SP8: variants seen among roughly 807,000 people sequenced by gnomAD.
The protein encoded by SP8 is Sp8 transcription factor.
In SP8, 7 loss-of-function variants were observed where a neutral mutation model predicts 15.3. The ratio of observed to expected loss-of-function variants is 0.46; its 90% confidence interval spans 0.26 to 0.86. The LOEUF is 0.86. Ranked by LOEUF, SP8 falls within the 40% of genes least tolerant of loss-of-function variation. SP8 has a pLI of 0.16. For missense variants in SP8, 731 were observed against 736.4 expected (o/e 0.99, Z 0.09); for synonymous variants, 415 against 356.3 (o/e 1.16, Z -1.86).
Position 20,784,324 on chromosome 7 carries a change from G to C in SP8, c.1493C>G (p.Pro498Arg). The change falls in exon 2 of 2, where the codon CCC becomes CGC. Residue 498 changes from proline (P) to arginine (R), a missense_variant. Around this residue, in one of 3 missense-constraint regions of SP8, gnomAD observed 114 missense variants for 111.9 expected, o/e 1.02. Coordinates refer to ENST00000418710, the MANE Select transcript of SP8 (RefSeq NM_182700.6). ...PPCHSPELLQPPEPGHRNGLE is the reference protein window; with the variant it reads ...PPCHSPELLQRPEPGHRNGLE ...GCCGTTGCGGTGCCCGGGCTCGGGG[G>C]GCTGCAGCAGCTCTGGGGAGTGGCA... 2 of 1,505,876 alleles carry C rather than the reference G, an allele frequency of 1.3e-6. No homozygotes were observed. Among genetic ancestry groups the C allele is most frequent in the South Asian group, 2.5e-5 (2 of 80,882 alleles). The allele number at this position is 1,505,876 out of a possible 1,614,324, so 93.3% of individuals were successfully genotyped here.
rs1387205974 is a variant in SP8 at position 20,786,567 on chromosome 7, T to C, written c.21+211A>G. Among the ~76,000 whole-genome samples, 1 of 152,030 alleles carries C rather than the reference T, an allele frequency of 6.6e-6. No homozygotes were observed. The highest frequency in any genetic ancestry group is 6.5e-5 in the Admixed American group (1 of 15,282). The stretch of plus-strand genomic sequence containing the variant: ...TGCGCGGTGGCTTGTCTAAATGCCC[T>C]TCGAACCTTTTCCTGCGCTGAAAAA... On this transcript the variant is annotated intron_variant, in intron 1 of 1. Transcript: ENST00000418710. This position sits in a 1 kb window ranked among gnomAD's most constrained non-coding sequence, Gnocchi z 4.4.
In SP8 at chr7:20,783,487, T is replaced by A. The variant is rs979061894; in HGVS notation, c.*803A>T. 6.6e-6 allele frequency: 1 copy of A among 152,146 alleles called. No individual in the cohort carries two copies. Among genetic ancestry groups the A allele is most frequent in the Non-Finnish European group, 1.5e-5 (1 of 68,014 alleles). 9.4% of individuals were successfully genotyped at this position (152,146 alleles called of 1,614,324 possible). ...GAAACCAAATGGAAGGTTGCTATTT[T>A]CCCCCTAGTTTTTTTAAAAATAAAA... On this transcript the variant is annotated 3_prime_UTR_variant, in exon 2 of 2. Transcript: ENST00000418710.
Position 20,784,639 on chromosome 7 carries a change from G to A in SP8, c.1178C>T (p.Ala393Val). 6.2e-7 allele frequency: 1 copy of A among 1,610,410 alleles called. No individual in the cohort carries two copies. Among genetic ancestry groups the A allele is most frequent in the Non-Finnish European group, 8.5e-7 (1 of 1,179,218 alleles). Residue 393 changes from alanine (A) to valine (V), a missense_variant, in exon 2 of 2, where the codon GCG becomes GTG. This residue lies in a region of SP8 where 31 missense variants were observed against 99.6 expected (regional missense o/e 0.31). Transcript: ENST00000418710. ...CTCGCCCGTGTGCCAGCGCAGGTGC[G>A]CCTTGAGGTGCGAAGTCTTGCCGTA... is the stretch of plus-strand genomic sequence containing the variant. ...KVYGKTSHLKAHLRWHTGERP... is the reference protein window; with the variant it reads ...KVYGKTSHLKVHLRWHTGERP...
chr7:20,786,780 CT>C lies in SP8; in HGVS notation c.18del (p.Glu8LysfsTer20), dbSNP rs773936001. 4 of 1,613,768 alleles carry C rather than the reference CT, an allele frequency of 2.5e-6. No homozygotes were observed. Among genetic ancestry groups the C allele is most frequent in the Non-Finnish European group, 2.5e-6 (3 of 1,179,658 alleles). On this transcript the variant is annotated frameshift_variant, in exon 1 of 2. Coordinates refer to ENST00000418710, the MANE Select transcript of SP8 (RefSeq NM_182700.6). LOFTEE classifies it low-confidence loss of function (END_TRUNC). This position sits in a 1 kb window ranked among gnomAD's most constrained non-coding sequence, Gnocchi z 4.4. MATSL[L>X]GEEPRLGSTP... ...CAAGAGAAAATCCTGAGACTCACCCCTAGAAGTGAAGTTGCCATCACACAAA... is the reference window on the plus strand; with the variant it reads ...CAAGAGAAAATCCTGAGACTCACCCCAGAAGTGAAGTTGCCATCACACAAA...
rs1184988084 is a variant in SP8 at position 20,785,308 on chromosome 7, G to A, written c.509C>T (p.Ser170Leu). 2 of 1,527,320 alleles carry A rather than the reference G, an allele frequency of 1.3e-6. No individual in the cohort carries two copies. Among genetic ancestry groups the A allele is most frequent in the South Asian group, 1.2e-5 (1 of 81,704 alleles). The allele number at this position is 1,527,320 out of a possible 1,614,324, so 94.6% of individuals were successfully genotyped here. Residue 170 changes from serine (S) to leucine (L), a missense_variant, in exon 2 of 2, where the codon TCG becomes TTG. Coordinates refer to ENST00000418710, the MANE Select transcript of SP8 (RefSeq NM_182700.6). The surrounding 1 kb of genome is among the most constrained non-coding windows in gnomAD (Gnocchi z 7.2). The stretch of plus-strand genomic sequence containing the variant: ...CACCGGCTGGTGGGAGCCGTCCTGC[G>A]AGTGCGCGGAGGAGCCGCCGCCGCC... ...GGGGGGSSAHSQDGSHQPVFI... is the reference protein window; with the variant it reads ...GGGGGGSSAHLQDGSHQPVFI...
In SP8 at chr7:20,786,137, G is replaced by T. The variant is rs977743022; in HGVS notation, c.22-342C>A. On this transcript the variant is annotated intron_variant, in intron 1 of 1. Coordinates refer to ENST00000418710, the MANE Select transcript of SP8 (RefSeq NM_182700.6). This position sits in a 1 kb window ranked among gnomAD's most constrained non-coding sequence, Gnocchi z 4.4. ...TCGTAACAAACAAGCAAAAAGTCCA[G>T]ATTGGAGAGGAAGGAAGTTTTCTTT... 1 of 657,498 alleles carries T rather than the reference G, an allele frequency of 1.5e-6. No individual in the cohort carries two copies. The highest frequency in any genetic ancestry group is 1.9e-5 in the African/African-American group (1 of 52,760). 40.7% of individuals were successfully genotyped at this position (657,498 alleles called of 1,614,324 possible). A position where few individuals can be genotyped will look rare whatever the true frequency, so the allele number is the denominator to read the frequency against.
In SP8 at chr7:20,784,442, C is replaced by CGCCACT; in HGVS notation, c.1369_1374dup (p.Ser457_Gly458dup). 1 of 1,539,172 alleles carries CGCCACT rather than the reference C, an allele frequency of 6.5e-7. No homozygotes were observed. The highest frequency in any genetic ancestry group is 8.7e-7 in the Non-Finnish European group (1 of 1,144,320). On this transcript the variant is annotated inframe_insertion, in exon 2 of 2. Coordinates refer to ENST00000418710, the MANE Select transcript of SP8 (RefSeq NM_182700.6). ...CCCGCCGAGCCGCCGCCGCCGCCGC[C>CGCCACT]GCCACTGTGCGTCTTCACGTGCTTG...
rs1367596526 is a variant in SP8 at position 20,784,428 on chromosome 7, G to A, written c.1389C>T (p.Gly463=). 3 of 1,531,038 alleles carry A rather than the reference G, an allele frequency of 2.0e-6. No individual in the cohort carries two copies. Among genetic ancestry groups the A allele is most frequent in the African/African-American group, 1.4e-5 (1 of 71,602 alleles). 94.8% of individuals were successfully genotyped at this position (1,531,038 alleles called of 1,614,324 possible). A position where few individuals can be genotyped will look rare whatever the true frequency, so the allele number is the denominator to read the frequency against. The part of the protein sequence containing the change: ...VKTHSGGGGG[G]GSAGSGSGGK... ...CGCCGCTGCCCGAGCCCGCCGAGCC[G>A]CCGCCGCCGCCGCCGCCACTGTGCG... Residue 463 remains glycine (G), a synonymous_variant, in exon 2 of 2, where the codon GGC becomes GGT. Transcript: ENST00000418710.
Position 20,785,893 on chromosome 7 carries a change from C to G in SP8, c.22-98G>C, listed in dbSNP as rs1165015642. On this transcript the variant is annotated intron_variant, in intron 1 of 1. Transcript: ENST00000418710. This position sits in a 1 kb window ranked among gnomAD's most constrained non-coding sequence, Gnocchi z 7.2. ...ATGTGCATCAGTCCTTCGGTAGCCT[C>G]CAAAGCGCCCCACTGCACCCCATCT... The G allele has an allele frequency of 4.1e-6, 6 of 1,481,330 alleles. No individual in the cohort carries two copies. The highest frequency in any genetic ancestry group is 1.4e-5 in the African/African-American group (1 of 71,844). 91.8% of individuals were successfully genotyped at this position (1,481,330 alleles called of 1,614,324 possible).
chr7:20,786,772 ACT>A lies in SP8; in HGVS notation c.21+4_21+5del. 6.2e-7 allele frequency: 1 copy of A among 1,613,366 alleles called. No homozygotes were observed. Among genetic ancestry groups the A allele is most frequent in the Non-Finnish European group, 8.5e-7 (1 of 1,179,498 alleles). On this transcript the variant is annotated splice_donor_5th_base_variant and intron_variant, in intron 1 of 1. Transcript: ENST00000418710. The surrounding 1 kb of genome is among the most constrained non-coding windows in gnomAD (Gnocchi z 4.4). ...TAAACCAGCAAGAGAAAATCCTGAGACTCACCCCTAGAAGTGAAGTTGCCATC... is the reference window on the plus strand; with the variant it reads ...TAAACCAGCAAGAGAAAATCCTGAGACACCCCTAGAAGTGAAGTTGCCATC...
Position 20,782,904 on chromosome 7 carries a change from A to G in SP8, c.*1386T>C, listed in dbSNP as rs1783538092. On this transcript the variant is annotated 3_prime_UTR_variant, in exon 2 of 2. Coordinates refer to ENST00000418710, the MANE Select transcript of SP8 (RefSeq NM_182700.6). ...CAAATATTTACTGGAAGTAATGTAC[A>G]AGAAAAATACTATACAAAATCGTCT... 1 of 152,608 alleles carries G rather than the reference A, an allele frequency of 6.6e-6. No individual in the cohort carries two copies. The highest frequency in any genetic ancestry group is 1.5e-5 in the Non-Finnish European group (1 of 68,038). The allele number at this position is 152,608 out of a possible 1,614,324, so 9.5% of individuals were successfully genotyped here.
rs1783528081 is a variant in SP8 at position 20,782,573 on chromosome 7, C to T, written c.*1717G>A. On this transcript the variant is annotated 3_prime_UTR_variant, in exon 2 of 2. Transcript: ENST00000418710. ...AATTTATTTAATACATGGGTTTTGG[C>T]AGACCACTTATTATGAAATATAGGA... is the stretch of plus-strand genomic sequence containing the variant. 1 of 566 alleles carries T rather than the reference C, an allele frequency of 1.8e-3. No individual in the cohort carries two copies. Among genetic ancestry groups the T allele is most frequent in the African/African-American group, 0.031 (1 of 32 alleles). 0.0% of individuals were successfully genotyped at this position (566 alleles called of 1,614,324 possible). A position where few individuals can be genotyped will look rare whatever the true frequency, so the allele number is the denominator to read the frequency against.
In SP8 at chr7:20,784,035, TGCAACG is replaced by T; in HGVS notation, c.*249_*254del. 1 of 442,976 alleles carries T rather than the reference TGCAACG, an allele frequency of 2.3e-6. No individual in the cohort carries two copies. Among genetic ancestry groups the T allele is most frequent in the Non-Finnish European group, 3.9e-6 (1 of 258,244 alleles). 27.4% of individuals were successfully genotyped at this position (442,976 alleles called of 1,614,324 possible). On this transcript the variant is annotated 3_prime_UTR_variant, in exon 2 of 2. Coordinates refer to ENST00000418710, the MANE Select transcript of SP8 (RefSeq NM_182700.6). The stretch of plus-strand genomic sequence containing the variant: ...GGCCCGACGAGGCGCGGGTTCCGGC[TGCAACG>T]GGTTCAGGCAGCGTTACCCGTGGAA...
At position 20,784,608 on chromosome 7, in the gene SP8, G is replaced by A. The variant is rs540955623; in HGVS notation, c.1209C>T (p.Pro403=). 6.2e-7 allele frequency: 1 copy of A among 1,609,232 alleles called. No homozygotes were observed. Among genetic ancestry groups the A allele is most frequent in the Non-Finnish European group, 8.5e-7 (1 of 1,178,752 alleles). ...CGCAGAAAAGCCAGTTGCACACGAA[G>A]GGCCGCTCGCCCGTGTGCCAGCGCA... ...AHLRWHTGER[P]FVCNWLFCGK... Residue 403 remains proline (P), a synonymous_variant, in exon 2 of 2, where the codon CCC becomes CCT. Transcript: ENST00000418710.
Position 20,784,321 on chromosome 7 carries a change from G to A in SP8, c.1496C>T (p.Pro499Leu). ...PCHSPELLQP[P>L]EPGHRNGLE ...TAGGCCGTTGCGGTGCCCGGGCTCG[G>A]GGGGCTGCAGCAGCTCTGGGGAGTG... Residue 499 changes from proline (P) to leucine (L), a missense_variant, in exon 2 of 2, where the codon CCC becomes CTC. Coordinates refer to ENST00000418710, the MANE Select transcript of SP8 (RefSeq NM_182700.6). 6.6e-7 allele frequency: 1 copy of A among 1,504,028 alleles called. No homozygotes were observed. Among genetic ancestry groups the A allele is most frequent in the Non-Finnish European group, 8.8e-7 (1 of 1,133,560 alleles). 93.2% of individuals were successfully genotyped at this position (1,504,028 alleles called of 1,614,324 possible).
chr7:20,785,771 G>T lies in SP8; in HGVS notation c.46C>A (p.Pro16Thr). The T allele has an allele frequency of 1.2e-6, 2 of 1,611,608 alleles. No individual in the cohort carries two copies. The highest frequency in any genetic ancestry group is 1.7e-6 in the Non-Finnish European group (2 of 1,178,704). Residue 16 changes from proline (P) to threonine (T), a missense_variant, in exon 2 of 2, where the codon CCT (proline) becomes ACT (threonine). Pro to Thr is a conservative substitution (Grantham distance 38). This residue lies in a region of SP8 where 586 missense variants were observed against 524.9 expected (regional missense o/e 1.12). Coordinates refer to ENST00000418710, the MANE Select transcript of SP8 (RefSeq NM_182700.6). The surrounding 1 kb of genome is among the most constrained non-coding windows in gnomAD (Gnocchi z 7.2). ...CAGGTAGCGGCAAGCATGGCCAGAG[G>T]AGTCGATCCCAACCTCGGTTCTTCC... ...LGEEPRLGST[P>T]LAMLAATCNK...
chr7:20,784,418 C>G lies in SP8; in HGVS notation c.1399G>C (p.Gly467Arg). The change falls in exon 2 of 2, where the codon GGC becomes CGC. Residue 467 changes from glycine (G) to arginine (R), a missense_variant. Transcript: ENST00000418710. ...CCCTTCTTGCCGCCGCTGCCCGAGC[C>G]CGCCGAGCCGCCGCCGCCGCCGCCG... ...SGGGGGGGSAGSGSGGKKGSD... is the reference protein window; with the variant it reads ...SGGGGGGGSARSGSGGKKGSD... 6.5e-7 allele frequency: 1 copy of G among 1,531,636 alleles called. No individual in the cohort carries two copies. Among genetic ancestry groups the G allele is most frequent in the Non-Finnish European group, 8.7e-7 (1 of 1,143,440 alleles). 94.9% of individuals were successfully genotyped at this position (1,531,636 alleles called of 1,614,324 possible).
rs749177478 is a variant in SP8 at position 20,785,544 on chromosome 7, C to G, written c.273G>C (p.Ala91=). Residue 91 remains alanine (A), a synonymous_variant, in exon 2 of 2, where the codon GCG becomes GCC. Transcript: ENST00000418710. This position sits in a 1 kb window ranked among gnomAD's most constrained non-coding sequence, Gnocchi z 7.2. ...GGSSSAAAAA[A]AAAAAAAALV... is the part of the protein sequence containing the mutation. ...GGGCCGCGGCAGCCGCGGCTGCTGC[C>G]GCGGCCGCCGCAGCCGCCGAGGACG... 1.4e-6 allele frequency: 2 copies of G among 1,434,736 alleles called. No homozygotes were observed. Among genetic ancestry groups the G allele is most frequent in the Admixed American group, 2.3e-5 (1 of 44,368 alleles). 88.9% of individuals were successfully genotyped at this position (1,434,736 alleles called of 1,614,324 possible). A position where few individuals can be genotyped will look rare whatever the true frequency, so the allele number is the denominator to read the frequency against.
In SP8 at chr7:20,786,687, G is replaced by T; in HGVS notation, c.21+91C>A. 2 of 1,035,014 alleles carry T rather than the reference G, an allele frequency of 1.9e-6. No homozygotes were observed. Among genetic ancestry groups the T allele is most frequent in the Non-Finnish European group, 1.5e-6 (1 of 652,834 alleles). The allele number at this position is 1,035,014 out of a possible 1,614,324, so 64.1% of individuals were successfully genotyped here. ...AAAGCTCTCAATAGAGAGACTGATA[G>T]CCCGTGGCCTGGCCGGGGCGACTTT... On this transcript the variant is annotated intron_variant, in intron 1 of 1. Coordinates refer to ENST00000418710, the MANE Select transcript of SP8 (RefSeq NM_182700.6). The surrounding 1 kb of genome is among the most constrained non-coding windows in gnomAD (Gnocchi z 4.4).
Sources: gnomAD v4.1 joint callset for allele counts (sites outside exome capture counted in the v4.1 genomes callset) on GRCh38, gnomAD v4.1.1 for gene constraint, gnomAD v4.1.1 regional missense constraint, Gnocchi (gnomAD v3.1) non-coding constraint, MANE v1.5 for transcripts, NCBI Gene and HGNC (gene_info 2026-07-23, HGNC 2026-07-21) for gene names.